LCP2: variants seen among roughly 807,000 people sequenced by gnomAD.
LCP2 encodes 76 kDa tyrosine phosphoprotein.
Under a neutral mutation model 74.5 loss-of-function variants are expected in LCP2, and 29 were observed. The observed-to-expected ratio is 0.39, with a 90% CI of 0.29 to 0.53. The LOEUF (loss-of-function observed/expected upper bound fraction) is 0.53, where lower values mean the gene tolerates loss of function less well. Among genes scored for constraint, LCP2 ranks in the 20% least tolerant of loss-of-function variants. LCP2 has a pLI of 0.72. For synonymous variants in LCP2, 228 were observed against 229.5 expected (o/e 0.99, Z 0.06); for missense variants, 604 against 634.6 (o/e 0.95, Z 0.52).
intron 3 of LCP2, among the ~76,000 whole-genome samples, chr5:170,283,180 C>G (rs1415558959): frequency 6.6e-6 from 1 of 152,154 alleles, no homozygotes; most frequent in African/African-American, 2.4e-5. Flanking sequence ...CTAGGGTGCA[C>G]ATTCAAACAC....
chr5:170,291,199 C>CAGGAAGAAAGGAAGGAAGGA (rs1762289741), intron 2 of LCP2, among the ~76,000 whole-genome samples: 1 of 125,524 alleles, frequency 8.0e-6, no homozygotes, highest in African/African-American at 3.5e-5. Context: ...GGAAAGAAGG[C>CAGGAAGAAAGGAAGGAAGGA]AGGAAGGAAG....
In LCP2 at chr5:170,266,995, G is replaced by A; in HGVS notation, c.688+14C>T. On this transcript the variant is annotated intron_variant, in intron 9 of 20. Transcript: ENST00000046794. ...GGTGGGAACAGGGCAAGAGAGAGCAGCCCTTGTACTCACGCTTTGCCGTTT... is the reference window on the plus strand; with the variant it reads ...GGTGGGAACAGGGCAAGAGAGAGCAACCCTTGTACTCACGCTTTGCCGTTT... 1 of 1,613,904 alleles carries A rather than the reference G, an allele frequency of 6.2e-7. No homozygotes were observed. Among genetic ancestry groups the A allele is most frequent in the South Asian group, 1.1e-5 (1 of 91,086 alleles).
Position 170,246,263 on chromosome 5 carries a change from G to T in LCP2, c.*2434C>A, listed in dbSNP as rs1761288465. ...GTTCTTGAAGGCTGTTTAATGTTTT[G>T]AAGAATGGCTTAACTTACGTCACTA... On this transcript the variant is annotated 3_prime_UTR_variant, in exon 21 of 21. Coordinates refer to ENST00000046794, the MANE Select transcript of LCP2 (RefSeq NM_005565.5). 3.0e-6 allele frequency: 2 copies of T among 656,916 alleles called. No homozygotes were observed. The highest frequency in any genetic ancestry group is 4.8e-6 in the Non-Finnish European group (2 of 416,272). The allele number at this position is 656,916 out of a possible 1,614,324, so 40.7% of individuals were successfully genotyped here. A position where few individuals can be genotyped will look rare whatever the true frequency, so the allele number is the denominator to read the frequency against.
At chr5:170,282,938 C>A (rs1762128657) in intron 3 of LCP2, among the ~76,000 whole-genome samples, 1 of 152,154 alleles carries the variant, frequency 6.6e-6, no homozygotes, top group Non-Finnish European at 1.5e-5. Context: ...GTCTCTCTAA[C>A]CCATTCCTTC....
chr5:170,289,338 G>A (rs774563452), intron 2 of LCP2, among the ~76,000 whole-genome samples: 41 of 152,268 alleles, frequency 2.7e-4, no homozygotes, highest in African/African-American at 6.7e-4. Context: ...CTTCTTTTCC[G>A]TTCTGGGAGC....
At position 170,258,892 on chromosome 5, in the gene LCP2, G is replaced by GA. The variant is rs574999737; in HGVS notation, c.958-15dup. ...ATCATCTTCATCCTGGGAAGGGGAA[G>GA]AAAAAAAAAGATATTAAGCTATCAT... On this transcript the variant is annotated splice_polypyrimidine_tract_variant and intron_variant, in intron 14 of 20. Transcript: ENST00000046794. 1,752 of 1,523,446 alleles carry GA rather than the reference G, an allele frequency of 1.2e-3. 7 individuals are homozygous for GA. Among genetic ancestry groups the GA allele is most frequent in the South Asian group, 7.7e-3 (642 of 83,262 alleles). 94.4% of individuals were successfully genotyped at this position (1,523,446 alleles called of 1,614,324 possible).
chr5:170,280,068 A>G (rs574793957), intron 3 of LCP2, among the ~76,000 whole-genome samples: 136 of 152,108 alleles, frequency 8.9e-4, no homozygotes, highest in Non-Finnish European at 1.4e-3. Flanking sequence ...TGAAAATTCC[A>G]TCTTTGTTTC....
rs532828301 is a variant in LCP2, at chr5:170,258,133, A to G, written c.1004T>C (p.Leu335Pro). The change falls in exon 16 of 21, where the codon CTT becomes CCT. Residue 335 changes from leucine (L) to proline (P), a missense_variant. Transcript: ENST00000046794. Reference protein sequence around the residue: ...HQRPLPQPALLPMSSNTFPSR... With the variant: ...HQRPLPQPALPPMSSNTFPSR... ...AGGGAAAGTGTTGGAGCTCATAGGAAGTAGTGCTGGCTGGGGCAAAGGTCT... is the reference window on the plus strand; with the variant it reads ...AGGGAAAGTGTTGGAGCTCATAGGAGGTAGTGCTGGCTGGGGCAAAGGTCT... The G allele has an allele frequency of 1.2e-6, 2 of 1,613,978 alleles. No individual in the cohort carries two copies. The highest frequency in any genetic ancestry group is 1.7e-6 in the Non-Finnish European group (2 of 1,179,834).
At chr5:170,258,843 T>C in intron 15 of LCP2, 23 bp downstream of exon 15, 2 of 1,568,100 alleles carry the variant, frequency 1.3e-6, no homozygotes, top group Non-Finnish European at 1.7e-6. Flanking sequence ...TTATAGGCTG[T>C]AAGAATGTGT....
chr5:170,270,789 A>G lies in LCP2; in HGVS notation c.453T>C (p.Asn151=), dbSNP rs1167841488. 1 of 1,608,952 alleles carries G rather than the reference A, an allele frequency of 6.2e-7. No homozygotes were observed. The highest frequency in any genetic ancestry group is 8.5e-7 in the Non-Finnish European group (1 of 1,177,624). The change falls in exon 7 of 21, where the codon AAT becomes AAC. Residue 151 remains asparagine (N), a synonymous_variant. Coordinates refer to ENST00000046794, the MANE Select transcript of LCP2 (RefSeq NM_005565.5). ...TGGAGTTCTGCAGAGCTTCCTCGTC[A>G]TTGGAGGGTGGCGGCTCATAATCCG... ...DDADYEPPPS[N]DEEALQNSIL...
intron 2 of LCP2, among the ~76,000 whole-genome samples, chr5:170,290,988 G>T (rs897379203): frequency 1.1e-5 from 1 of 90,288 alleles, no homozygotes; most frequent in African/African-American, 5.0e-5. Flanking sequence ...AAGAAAGAAA[G>T]AAAGAAAGAA....
intron 6 of LCP2, chr5:170,274,083 C>T (rs1761942979): frequency 1.7e-6 from 1 of 573,508 alleles, no homozygotes; most frequent in Non-Finnish European, 3.1e-6. Flanking sequence ...TTTTGTGCTC[C>T]AGTAGCAGAG....
chr5:170,255,080 T>C (rs1380301322), intron 17 of LCP2, among the ~76,000 whole-genome samples: 1 of 152,212 alleles, frequency 6.6e-6, no homozygotes, highest in Non-Finnish European at 1.5e-5. Context: ...CTGTGATGTG[T>C]CTGGGACTCA....
chr5:170,281,527 G>C (rs377669566), intron 3 of LCP2, among the ~76,000 whole-genome samples: 5 of 152,162 alleles, frequency 3.3e-5, no homozygotes, highest in African/African-American at 1.2e-4. Flanking sequence ...TGATCCGCCC[G>C]CCTTGGCCTC....
chr5:170,253,888 G>T (rs1400193991), intron 17 of LCP2, among the ~76,000 whole-genome samples: 2 of 152,146 alleles, frequency 1.3e-5, no homozygotes, highest in Non-Finnish European at 2.9e-5. Flanking sequence ...CTCATTTACA[G>T]TTCCTTGAAA....
chr5:170,293,230 G>A lies in LCP2; in HGVS notation c.141+80C>T, dbSNP rs1762319335. ...ATCCTCGGGTGTCCCCAGGGAAAGG[G>A]TAGGCCAGTTGGCCCTGCAGCCATG... On this transcript the variant is annotated intron_variant, in intron 2 of 20. Coordinates refer to ENST00000046794, the MANE Select transcript of LCP2 (RefSeq NM_005565.5). 6 of 1,380,604 alleles carry A rather than the reference G, an allele frequency of 4.3e-6. No homozygotes were observed. In the South Asian group the frequency reaches 6.2e-5, roughly 14 times the overall value. 85.5% of individuals were successfully genotyped at this position (1,380,604 alleles called of 1,614,324 possible).
intron 8 of LCP2, among the ~76,000 whole-genome samples, chr5:170,268,055 C>G (rs1270352147): frequency 6.6e-6 from 1 of 152,030 alleles, no homozygotes; most frequent in Non-Finnish European, 1.5e-5. Flanking sequence ...CAGAAGGTGG[C>G]GCAAGTCTTT....
At chr5:170,265,226 A>G (rs1044456372) in intron 10 of LCP2, among the ~76,000 whole-genome samples, 1 of 152,006 alleles carries the variant, frequency 6.6e-6, no homozygotes, top group African/African-American at 2.4e-5. Flanking sequence ...TGACGTTGTG[A>G]TCTGCCCGCC....
At chr5:170,289,673 C>G (rs981912617) in intron 2 of LCP2, among the ~76,000 whole-genome samples, 1 of 129,608 alleles carries the variant, frequency 7.7e-6, no homozygotes, top group Non-Finnish European at 1.7e-5. Flanking sequence ...TTCTTTCTTT[C>G]TCTCTCTCTC....
Sources: allele counts gnomAD v4.1 joint callset (sites outside exome capture counted in the v4.1 genomes callset), GRCh38; gene constraint gnomAD v4.1.1; transcripts MANE v1.5; gene names NCBI Gene and HGNC (gene_info 2026-07-23, HGNC 2026-07-21).